EFNA5: variants seen among roughly 807,000 people sequenced by gnomAD.
EFNA5 encodes the protein ephrin A5, also known as ephrin-A5.
EFNA5 carries 5 observed loss-of-function variants against 22.9 expected under a neutral mutation model. The observed-to-expected ratio is 0.22, with a 90% CI of 0.11 to 0.46. EFNA5 has a LOEUF of 0.46. Among genes scored for constraint, EFNA5 ranks in the 20% least tolerant of loss-of-function variants. EFNA5 has a pLI of 0.99. For missense variants in EFNA5, 237 were observed against 293.3 expected, an observed-to-expected ratio of 0.81 and a Z score of 1.40; for synonymous variants, 113 against 112.2, an observed-to-expected ratio of 1.01 and a Z score of -0.04.
In EFNA5 at chr5:107,427,144, C is replaced by G. The variant is rs1748830747; in HGVS notation, c.418+73G>C. On this transcript the variant is annotated intron_variant, in intron 2 of 4. Transcript: ENST00000333274. ...GCAGAGTCCAGCTCTCTGCAATTCT[C>G]TGAAACATGGGTAAAAAATTAGTCT... 3.8e-5 allele frequency: 59 copies of G among 1,546,750 alleles called. 2 individuals carry two copies. The East Asian group carries it at 1.3e-3, about 34-fold the overall frequency.
chr5:107,431,980 T>G (rs1748975439), intron 1 of EFNA5, among the ~76,000 whole-genome samples: 1 of 152,256 alleles, frequency 6.6e-6, no homozygotes, highest in Admixed American at 6.5e-5. Context: ...AAGCATATTC[T>G]TGTCCTCCTA....
intron 1 of EFNA5, among the ~76,000 whole-genome samples, chr5:107,504,476 T>G (rs1314464278): frequency 6.6e-6 from 1 of 152,200 alleles, no homozygotes; most frequent in African/African-American, 2.4e-5. Context: ...TCTGCTATTC[T>G]CTCTTCTTTT....
chr5:107,619,765 C>T (rs1370893934), intron 1 of EFNA5, among the ~76,000 whole-genome samples: 1 of 152,106 alleles, frequency 6.6e-6, no homozygotes, highest in Non-Finnish European at 1.5e-5. Flanking sequence ...CCTAGCCTAT[C>T]AGCTGGACTT....
intron 1 of EFNA5, among the ~76,000 whole-genome samples, chr5:107,561,372 A>G (rs1748537986): frequency 6.6e-6 from 1 of 152,084 alleles, no homozygotes; most frequent in Non-Finnish European, 1.5e-5. Context: ...GGAAAAAAGT[A>G]CACTTTTTTT....
chr5:107,442,913 A>C (rs916283929), intron 1 of EFNA5, among the ~76,000 whole-genome samples: 2 of 147,022 alleles, frequency 1.4e-5, no homozygotes, highest in African/African-American at 2.5e-5. Context: ...CCGAGGAGCG[A>C]AAGTTCCCCA....
At chr5:107,511,041 T>TGTGTGTGA (rs1363882358) in intron 1 of EFNA5, among the ~76,000 whole-genome samples, 178 of 149,852 alleles carry the variant, frequency 1.2e-3, no homozygotes, top group African/African-American at 3.4e-3. Flanking sequence ...TGTGTGTGTG[T>TGTGTGTGA]GAGACGGAGA....
chr5:107,642,202 AGAT>A (rs1380970626), intron 1 of EFNA5, among the ~76,000 whole-genome samples: 1 of 152,158 alleles, frequency 6.6e-6, no homozygotes, highest in Non-Finnish European at 1.5e-5. Context: ...GGGATTGGAG[AGAT>A]TTTGGTCAAA....
intron 1 of EFNA5, among the ~76,000 whole-genome samples, chr5:107,601,735 G>GT (rs1161468256): frequency 6.6e-6 from 1 of 152,100 alleles, no homozygotes; most frequent in African/African-American, 2.4e-5. Context: ...TTTAACTCAT[G>GT]TTTTTTCCTT....
chr5:107,458,781 G>C (rs1749760537), intron 1 of EFNA5, among the ~76,000 whole-genome samples: 1 of 152,102 alleles, frequency 6.6e-6, no homozygotes. Flanking sequence ...TCACTTCAGT[G>C]GTTTTTAAGA....
At chr5:107,618,439 C>T (rs866328846) in intron 1 of EFNA5, among the ~76,000 whole-genome samples, 11 of 152,216 alleles carry the variant, frequency 7.2e-5, no homozygotes, top group Admixed American at 7.2e-4. Flanking sequence ...CATATGATTC[C>T]TAGGGACTGT....
intron 1 of EFNA5, among the ~76,000 whole-genome samples, chr5:107,459,546 G>C (rs1335875454): frequency 1.3e-5 from 2 of 152,118 alleles, no homozygotes; most frequent in Admixed American, 1.3e-4. Context: ...ACATTGCCAA[G>C]TTCATTAACG....
intron 1 of EFNA5, among the ~76,000 whole-genome samples, chr5:107,447,095 G>A (rs1250037803): frequency 1.3e-5 from 2 of 152,176 alleles, no homozygotes; most frequent in Admixed American, 1.3e-4. Flanking sequence ...GCAGAGTTAA[G>A]ACCCCTGAGA....
At chr5:107,407,658 GA>G (rs1435116033) in intron 2 of EFNA5, among the ~76,000 whole-genome samples, 2 of 152,232 alleles carry the variant, frequency 1.3e-5, no homozygotes, top group East Asian at 3.9e-4. Context: ...AATGTTTAAT[GA>G]ATTTACATTA....
chr5:107,457,977 T>C (rs1262219170), intron 1 of EFNA5, among the ~76,000 whole-genome samples: 1 of 152,154 alleles, frequency 6.6e-6, no homozygotes, highest in Non-Finnish European at 1.5e-5. Flanking sequence ...TTTTAGAACG[T>C]GTTCAAGGTT....
At chr5:107,482,868 C>CTATATATATATA (rs1491566387) in intron 1 of EFNA5, among the ~76,000 whole-genome samples, 8 of 42,904 alleles carry the variant, frequency 1.9e-4, no homozygotes, top group African/African-American at 5.5e-4. Context: ...CTCTCTCTCT[C>CTATATATATATA]TCTATATATA....
Position 107,380,906 on chromosome 5 carries a change from T to C in EFNA5, c.*349A>G, listed in dbSNP as rs564995287. 1 of 429,654 alleles carries C rather than the reference T, an allele frequency of 2.3e-6. No homozygotes were observed. The highest frequency in any genetic ancestry group is 4.1e-6 in the Non-Finnish European group (1 of 242,818). The allele number at this position is 429,654 out of a possible 1,614,324, so 26.6% of individuals were successfully genotyped here. A position where few individuals can be genotyped will look rare whatever the true frequency, so the allele number is the denominator to read the frequency against. On this transcript the variant is annotated 3_prime_UTR_variant, in exon 5 of 5. Transcript: ENST00000333274. Reference sequence around the variant, plus strand: ...CCTTGTCCATAGCCCGCTGACACAGTGCGCTAACGGAGGTGAGTTCTTAGA... The same window carrying C: ...CCTTGTCCATAGCCCGCTGACACAGCGCGCTAACGGAGGTGAGTTCTTAGA...
intron 1 of EFNA5, among the ~76,000 whole-genome samples, chr5:107,470,972 A>G (rs982641881): frequency 4.6e-5 from 7 of 152,130 alleles, no homozygotes; most frequent in Non-Finnish European, 8.8e-5. Flanking sequence ...TTCTTTCTTG[A>G]TATCCTTCTC....
intron 1 of EFNA5, among the ~76,000 whole-genome samples, chr5:107,487,000 C>T (rs1746647039): frequency 6.6e-6 from 1 of 152,224 alleles, no homozygotes; most frequent in South Asian, 2.1e-4. Context: ...AGACCTACAT[C>T]TGTTCACATC....
At chr5:107,473,957 C>CTTTAACCATGCCTGG (rs1750213109) in intron 1 of EFNA5, among the ~76,000 whole-genome samples, 2 of 152,124 alleles carry the variant, frequency 1.3e-5, no homozygotes, top group African/African-American at 2.4e-5. Flanking sequence ...CCATGCCTGG[C>CTTTAACCATGCCTGG]CTCATTTGAC....
Sources: allele counts gnomAD v4.1 joint callset (sites outside exome capture counted in the v4.1 genomes callset), GRCh38; gene constraint gnomAD v4.1.1; transcripts MANE v1.5; gene names NCBI Gene and HGNC (gene_info 2026-07-23, HGNC 2026-07-21).